KIF20A: variants seen among roughly 807,000 people sequenced by gnomAD.
The protein encoded by KIF20A is kinesin family member 20A.
In KIF20A, 66 loss-of-function variants were observed where a neutral mutation model predicts 113.0. The observed-to-expected ratio is 0.58, with a 90% CI of 0.48 to 0.72. The LOEUF is 0.72. KIF20A is among the 30% of genes least tolerant of loss of function. The pLI is 0.00. For synonymous variants in KIF20A, 376 were observed against 402.3 expected, an observed-to-expected ratio of 0.93 and a Z score of 0.78; for missense variants, 927 against 1,077.6, an observed-to-expected ratio of 0.86 and a Z score of 1.96.
In KIF20A at chr5:138,185,532, A is replaced by C; in HGVS notation, c.1947A>C (p.Glu649Asp). 6.2e-7 allele frequency: 1 copy of C among 1,613,646 alleles called. No individual in the cohort carries two copies. The highest frequency in any genetic ancestry group is 8.5e-7 in the Non-Finnish European group (1 of 1,180,010). ...EEIQERDEKI[E>D]ELEALLQEAR... Reference sequence around the variant, plus strand: ...CTTAGGAGCGGGATGAAAAGATTGAAGAGCTAGAAGCTCTCTTGCAGGAAG... The same window carrying C: ...CTTAGGAGCGGGATGAAAAGATTGACGAGCTAGAAGCTCTCTTGCAGGAAG... Residue 649 changes from glutamate (E) to aspartate (D), a missense_variant, in exon 16 of 19, where the codon GAA becomes GAC. Coordinates refer to ENST00000394894, the MANE Select transcript of KIF20A (RefSeq NM_005733.3).
At position 138,184,304 on chromosome 5, in the gene KIF20A, C is replaced by G; in HGVS notation, c.1418C>G (p.Thr473Arg). The change falls in exon 12 of 19, where the codon ACA becomes AGA. Residue 473 changes from threonine to arginine, a missense_variant. Transcript: ENST00000394894. ...ACTCGAGTGTTCCAAGGTTTCTTCA[C>G]AGGCCGAGGCCGTTCCTGCATGATT... ...KLTRVFQGFF[T>R]GRGRSCMIVN... The G allele has an allele frequency of 1.2e-6, 2 of 1,614,182 alleles. No homozygotes were observed. The highest frequency in any genetic ancestry group is 1.7e-6 in the Non-Finnish European group (2 of 1,180,030).
intron 18 of KIF20A, 146 bp from the exon 19 acceptor site, chr5:138,186,950 T>C: frequency 1.5e-6 from 1 of 660,874 alleles, no homozygotes; most frequent in Non-Finnish European, 2.5e-6. Context: ...CTTATTCAGT[T>C]ATAAGCTCCG....
Position 138,183,123 on chromosome 5 carries a change from G to C in KIF20A, c.833-46G>C. The C allele has an allele frequency of 6.2e-7, 1 of 1,606,024 alleles. No individual in the cohort carries two copies. Among genetic ancestry groups the C allele is most frequent in the Non-Finnish European group, 8.5e-7 (1 of 1,175,236 alleles). On this transcript the variant is annotated intron_variant, in intron 7 of 18. Transcript: ENST00000394894. This position sits in a 1 kb window ranked among gnomAD's most constrained non-coding sequence, Gnocchi z 5.2. ...AAGGCCCCTGCAGGCCAAAAGAGAG[G>C]TGAACTGCTCTAGGTTGATGCCCTA...
Position 138,182,908 on chromosome 5 carries a change from G to A in KIF20A, c.750G>A (p.Arg250=), listed in dbSNP as rs766215564. ...SLKRSVYIES[R]IGTSTSFDSG... ...AGAGGAGTGTCTACATCGAAAGTCG[G>A]ATAGGTACCAGCACCAGCTTCGACA... The change falls in exon 7 of 19, where the codon CGG becomes CGA. Residue 250 remains arginine (R), a synonymous_variant. Coordinates refer to ENST00000394894, the MANE Select transcript of KIF20A (RefSeq NM_005733.3). 6.2e-7 allele frequency: 1 copy of A among 1,614,186 alleles called. No homozygotes were observed. Among genetic ancestry groups the A allele is most frequent in the Non-Finnish European group, 8.5e-7 (1 of 1,180,024 alleles).
Position 138,184,822 on chromosome 5 carries a change from G to C in KIF20A, c.1699G>C (p.Val567Leu), listed in dbSNP as rs760090511. Residue 567 changes from valine to leucine, a missense_variant, in exon 14 of 19, where the codon GTG (valine) becomes CTG (leucine). Coordinates refer to ENST00000394894, the MANE Select transcript of KIF20A (RefSeq NM_005733.3). ...TCTCTCCTAGGAGCTCCTACAAGTT[G>C]TGGAAGCCATGAAGACACTGCTTTT... ...MYGKEELLQV[V>L]EAMKTLLLKE... 4 of 1,614,036 alleles carry C rather than the reference G, an allele frequency of 2.5e-6. No individual in the cohort carries two copies. The African/African-American group carries it at 5.3e-5, about 22-fold the overall frequency.
In KIF20A at chr5:138,182,685, T is replaced by C; in HGVS notation, c.614T>C (p.Leu205Pro). The C allele has an allele frequency of 6.2e-7, 1 of 1,614,080 alleles. No individual in the cohort carries two copies. The highest frequency in any genetic ancestry group is 8.5e-7 in the Non-Finnish European group (1 of 1,180,026). The part of the protein sequence containing the change: ...LHPTPDLKPL[L>P]SNEVIWLDSK... ...CCAACACCTGATCTGAAGCCCTTGC[T>C]CTCCAATGAGGTAATCTGGCTAGAC... The change falls in exon 6 of 19, where the codon CTC (leucine) becomes CCC (proline). Residue 205 changes from leucine to proline, a missense_variant. By Grantham distance (98) the Leu-to-Pro change is moderately conservative. Coordinates refer to ENST00000394894, the MANE Select transcript of KIF20A (RefSeq NM_005733.3).
In KIF20A at chr5:138,182,737, G is replaced by A; in HGVS notation, c.666G>A (p.Met222Ile). ...GCAAGCAGATCCGACAGGAGGAAATGAAGAAGCTGTCCCTGCTAAATGGAG... is the reference window on the plus strand; with the variant it reads ...GCAAGCAGATCCGACAGGAGGAAATAAAGAAGCTGTCCCTGCTAAATGGAG... ...LDSKQIRQEE[M>I]KKLSLLNGGL... The change falls in exon 6 of 19, where the codon ATG becomes ATA. Residue 222 changes from methionine to isoleucine, a missense_variant. Transcript: ENST00000394894. 6.2e-7 allele frequency: 1 copy of A among 1,613,968 alleles called. No homozygotes were observed. The highest frequency in any genetic ancestry group is 8.5e-7 in the Non-Finnish European group (1 of 1,180,038).
chr5:138,184,923 G>C lies in KIF20A; in HGVS notation c.1800G>C (p.Met600Ile), dbSNP rs201044865. 284 of 1,614,076 alleles carry C rather than the reference G, an allele frequency of 1.8e-4. No homozygotes were observed. Among genetic ancestry groups the C allele is most frequent in the Middle Eastern group, 8.2e-4 (5 of 6,084 alleles). Reference sequence around the variant, plus strand: ...TTTGCAATGAGATGGTAGAACAGATGCAACAGCGGGAACAGTGGTGCAGGT... The same window carrying C: ...TTTGCAATGAGATGGTAGAACAGATCCAACAGCGGGAACAGTGGTGCAGGT... ...DEICNEMVEQMQQREQWCSEH... is the reference protein window; with the variant it reads ...DEICNEMVEQIQQREQWCSEH... The change falls in exon 14 of 19, where the codon ATG becomes ATC. Residue 600 changes from methionine (M) to isoleucine (I), a missense_variant. Coordinates refer to ENST00000394894, the MANE Select transcript of KIF20A (RefSeq NM_005733.3).
At chr5:138,185,289 G>T (rs1754726255) in intron 15 of KIF20A, 92 bp downstream of exon 15, 3 of 912,724 alleles carry the variant, frequency 3.3e-6, no homozygotes, top group African/African-American at 3.3e-5. Flanking sequence ...ACTCCAGTAA[G>T]GGCAGGAATA....
At chr5:138,180,005 GAAAA>G in intron 2 of KIF20A, among the ~76,000 whole-genome samples, 160 bp downstream of exon 2, 1 of 150,430 alleles carries the variant, frequency 6.6e-6, no homozygotes, top group Admixed American at 6.6e-5. Flanking sequence ...AAGAAAAAAA[GAAAA>G]AAAAATTAAG....
At position 138,184,161 on chromosome 5, in the gene KIF20A, C is replaced by T. The variant is rs752110793; in HGVS notation, c.1352+56C>T. 1.1e-4 allele frequency: 174 copies of T among 1,611,586 alleles called. 3 individuals are homozygous for T. The South Asian group carries it at 1.5e-3, about 14-fold the overall frequency. ...GCAATTTGCTAAGAGACTTCCTGGA[C>T]ACCACTGGGGATGGTGCTAGGATAC... On this transcript the variant is annotated intron_variant, in intron 11 of 18. Transcript: ENST00000394894.
rs1403614846 is a variant in KIF20A at position 138,183,658 on chromosome 5, C to T, written c.1140-30C>T. Reference sequence around the variant, plus strand: ...CCTCTGCCTGGTCATGGAAAATGTGCAATGACTTTTTGTTTTTCTTAACTT... The same window carrying T: ...CCTCTGCCTGGTCATGGAAAATGTGTAATGACTTTTTGTTTTTCTTAACTT... On this transcript the variant is annotated intron_variant, in intron 9 of 18. Transcript: ENST00000394894. This position sits in a 1 kb window ranked among gnomAD's most constrained non-coding sequence, Gnocchi z 5.2. 25 of 1,609,132 alleles carry T rather than the reference C, an allele frequency of 1.6e-5. No individual in the cohort carries two copies. The highest frequency in any genetic ancestry group is 2.0e-5 in the Non-Finnish European group (24 of 1,175,794).
intron 4 of KIF20A, 35 bp downstream of exon 4, chr5:138,181,763 AC>A (rs772383001): frequency 1.4e-5 from 22 of 1,610,412 alleles, no homozygotes; most frequent in Non-Finnish European, 1.9e-5. Flanking sequence ...CAAAAGACCA[AC>A]ATGTAAGGGC....
chr5:138,185,857 T>C, intron 16 of KIF20A, 104 bp from the exon 17 acceptor site: 1 of 1,307,620 alleles, frequency 7.6e-7, no homozygotes, highest in Non-Finnish European at 1.1e-6. Flanking sequence ...ACACATAGCC[T>C]CACTTTTTAT....
rs886455332 is a variant in KIF20A at position 138,184,265 on chromosome 5, G to A, written c.1379G>A (p.Arg460His). ...NRSKQNLVPF[R>H]DSKLTRVFQG... ...TCAAAGCAGAACCTGGTTCCCTTCC[G>A]TGACAGCAAGTTGACTCGAGTGTTC... Residue 460 changes from arginine to histidine, a missense_variant, in exon 12 of 19, where the codon CGT becomes CAT. By Grantham distance (29) the Arg-to-His change is conservative (BLOSUM62 0). Coordinates refer to ENST00000394894, the MANE Select transcript of KIF20A (RefSeq NM_005733.3). 12 of 1,614,088 alleles carry A rather than the reference G, an allele frequency of 7.4e-6. No individual in the cohort carries two copies. Among genetic ancestry groups the A allele is most frequent in the Admixed American group, 5.0e-5 (3 of 60,014 alleles).
rs1754718343 is a variant in KIF20A, at chr5:138,184,797, T to C, written c.1684-10T>C. On this transcript the variant is annotated splice_polypyrimidine_tract_variant and intron_variant, in intron 13 of 18. Transcript: ENST00000394894. ...CATCTGATGACCTCTGACATGTGTG[T>C]CTCTCCTAGGAGCTCCTACAAGTTG... 6.2e-7 allele frequency: 1 copy of C among 1,613,740 alleles called. No individual in the cohort carries two copies. The highest frequency in any genetic ancestry group is 1.3e-5 in the African/African-American group (1 of 74,900).
intron 16 of KIF20A, 44 bp from the exon 17 acceptor site, chr5:138,185,916 TA>T (rs759470100): frequency 5.7e-6 from 9 of 1,567,720 alleles, no homozygotes; most frequent in Non-Finnish European, 7.0e-6. Context: ...AGTCCAAGGC[TA>T]AAAAAACCCC....
Position 138,183,199 on chromosome 5 carries a change from C to T in KIF20A, c.863C>T (p.Thr288Ile), listed in dbSNP as rs1754688538. ...AGTCATCGATGGGCACAGCCAGACA[C>T]TGCCCCACTACCTGTCCCGGCAAAC... is the stretch of plus-strand genomic sequence containing the variant. ...ETSHRWAQPDTAPLPVPANIR... is the reference protein window; with the variant it reads ...ETSHRWAQPDIAPLPVPANIR... Residue 288 changes from threonine (T) to isoleucine (I), a missense_variant, in exon 8 of 19, where the codon ACT (threonine) becomes ATT (isoleucine). Coordinates refer to ENST00000394894, the MANE Select transcript of KIF20A (RefSeq NM_005733.3). The surrounding 1 kb of genome is among the most constrained non-coding windows in gnomAD (Gnocchi z 5.2). The T allele has an allele frequency of 6.2e-7, 1 of 1,614,212 alleles. No individual in the cohort carries two copies. The highest frequency in any genetic ancestry group is 1.3e-5 in the African/African-American group (1 of 75,062).
rs754998290 is a variant in KIF20A, at chr5:138,179,656, T to C, written c.-21-4T>C. The stretch of plus-strand genomic sequence containing the variant: ...TCCCTGCCCACTTTTTGGTCTCTTT[T>C]TAGACCTAGGCTGCCCCTGCCGTCA... On this transcript the variant is annotated splice_region_variant and splice_polypyrimidine_tract_variant and intron_variant, in intron 1 of 18. Coordinates refer to ENST00000394894, the MANE Select transcript of KIF20A (RefSeq NM_005733.3). 1.7e-5 allele frequency: 27 copies of C among 1,613,006 alleles called. No homozygotes were observed. The highest frequency in any genetic ancestry group is 2.1e-5 in the Non-Finnish European group (25 of 1,179,926).
Sources: allele counts gnomAD v4.1 joint callset (sites outside exome capture counted in the v4.1 genomes callset), GRCh38; gene constraint gnomAD v4.1.1; non-coding constraint Gnocchi (gnomAD v3.1); transcripts MANE v1.5; gene names NCBI Gene and HGNC (gene_info 2026-07-23, HGNC 2026-07-21).